Variants in TGM2 observed in about 807,000 individuals in gnomAD.
The protein encoded by TGM2 is transglutaminase 2, also known as protein-glutamine gamma-glutamyltransferase 2.
In TGM2, 53 loss-of-function variants were observed where a neutral mutation model predicts 75.6. The ratio of observed to expected loss-of-function variants is 0.70; its 90% confidence interval spans 0.56 to 0.88. The LOEUF (loss-of-function observed/expected upper bound fraction) is 0.88, where lower values mean the gene tolerates loss of function less well. Ranked by LOEUF, TGM2 falls within the 40% of genes least tolerant of loss-of-function variation. The pLI is 0.00. For missense variants in TGM2, 842 were observed against 928.5 expected (o/e 0.91, Z 1.21); for synonymous variants, 374 against 381.1 (o/e 0.98, Z 0.22).
chr20:38,138,503 C>T (rs957234628), intron 9 of TGM2, 118 bp from the exon 10 acceptor site: 18 of 1,572,718 alleles, frequency 1.1e-5, no homozygotes, highest in Non-Finnish European at 1.4e-5. Context: ...ATGAAGGAGC[C>T]CCTTCTCTAC....
intron 4 of TGM2, among the ~76,000 whole-genome samples, chr20:38,149,700 A>AAAAAAAAAAAAAAAAAAG: frequency 6.6e-6 from 1 of 150,770 alleles, no homozygotes; most frequent in African/African-American, 2.4e-5. Context: ...AAAAAAAAAA[A>AAAAAAAAAAAAAAAAAAG]ACAGGACCCT....
chr20:38,146,553 G>T, intron 6 of TGM2, 164 bp downstream of exon 6: 1 of 806,982 alleles, frequency 1.2e-6, no homozygotes, highest in Non-Finnish European at 2.1e-6. Flanking sequence ...GATGGCTATT[G>T]GATAAAGGAC....
At chr20:38,151,663 G>A (rs2075116676) in intron 3 of TGM2, among the ~76,000 whole-genome samples, 1 of 152,226 alleles carries the variant, frequency 6.6e-6, no homozygotes, top group African/African-American at 2.4e-5. Flanking sequence ...AAGGGTTCCT[G>A]CAGCTCAGGA....
At chr20:38,153,524 C>CAAAAAAAAAAAAAAAAAA (rs1231793414) in intron 3 of TGM2, among the ~76,000 whole-genome samples, 1 of 63,850 alleles carries the variant, frequency 1.6e-5, no homozygotes, top group Non-Finnish European at 2.5e-5. Flanking sequence ...GCCTTGGTCT[C>CAAAAAAAAAAAAAAAAAA]AAAAAAAAGA....
intron 2 of TGM2, among the ~76,000 whole-genome samples, chr20:38,159,867 ATGT>A (rs1167715066): frequency 1.3e-5 from 2 of 152,228 alleles, no homozygotes; most frequent in African/African-American, 4.8e-5. Flanking sequence ...TGCCCCACAG[ATGT>A]TGTGATTTTC....
At chr20:38,151,278 C>T (rs2075113314) in intron 3 of TGM2, among the ~76,000 whole-genome samples, 1 of 152,226 alleles carries the variant, frequency 6.6e-6, no homozygotes, top group Non-Finnish European at 1.5e-5. Context: ...TCAACACTCA[C>T]TGTGTGCCAG....
At chr20:38,155,148 G>A (rs910059772) in intron 3 of TGM2, among the ~76,000 whole-genome samples, 40 of 151,774 alleles carry the variant, frequency 2.6e-4, no homozygotes, top group African/African-American at 9.4e-4. Context: ...CAAAAAACAG[G>A]GCCCCATGAA....
upstream of TGM2, among the ~76,000 whole-genome samples, chr20:38,168,384 T>A (rs2075325893): frequency 1.3e-5 from 2 of 152,222 alleles, no homozygotes; most frequent in Admixed American, 6.5e-5. Flanking sequence ...TCACCGGGGC[T>A]GTAAAGGTTT....
chr20:38,166,507 G>C (rs1396605951), upstream of TGM2: 2 of 152,270 alleles, frequency 1.3e-5, no homozygotes, highest in African/African-American at 4.8e-5. Context: ...CGGATCCACT[G>C]TGAGCCCTGA....
At chr20:38,144,559 G>A (rs564040509) in intron 6 of TGM2, among the ~76,000 whole-genome samples, 2 of 152,178 alleles carry the variant, frequency 1.3e-5, no homozygotes, top group Non-Finnish European at 2.9e-5. Context: ...AAGCCTAACC[G>A]GAGCCAGAGA....
rs757518989 is a variant in TGM2, at chr20:38,141,304, T to C, written c.1077A>G (p.Pro359=). Residue 359 remains proline (P), a synonymous_variant, in exon 8 of 13, where the codon CCA becomes CCG. Coordinates refer to ENST00000361475, the MANE Select transcript of TGM2 (RefSeq NM_004613.4). ...CACCTTCGCTCTTCTCCTGGGGCGT[T>C]GGGTCCAGGGCCTGCCAGCCCTCGT... ...PGYEGWQALD[P]TPQEKSEGTY... 1.6e-5 allele frequency: 25 copies of C among 1,583,372 alleles called. No individual in the cohort carries two copies. The highest frequency in any genetic ancestry group is 3.6e-5 in the Admixed American group (2 of 55,326).
At chr20:38,148,890 G>T (rs184280255) in intron 4 of TGM2, among the ~76,000 whole-genome samples, 11 of 152,250 alleles carry the variant, frequency 7.2e-5, no homozygotes, top group Non-Finnish European at 1.2e-4. Flanking sequence ...ACCTCCAGGG[G>T]CCCTTCTGTC....
At chr20:38,145,156 G>C (rs2075029590) in intron 6 of TGM2, among the ~76,000 whole-genome samples, 2 of 152,174 alleles carry the variant, frequency 1.3e-5, no homozygotes, top group Non-Finnish European at 2.9e-5. Context: ...GGAGTCAGAA[G>C]GCAAGGACAG....
intron 5 of TGM2, among the ~76,000 whole-genome samples, chr20:38,147,136 C>T (rs779858379): frequency 3.3e-5 from 5 of 151,954 alleles, no homozygotes; most frequent in African/African-American, 1.2e-4. Context: ...GACTTGAACG[C>T]GATACTGGGG....
intron 10 of TGM2, among the ~76,000 whole-genome samples, chr20:38,137,764 T>C (rs1275678385): frequency 1.3e-5 from 2 of 151,908 alleles, no homozygotes; most frequent in African/African-American, 4.8e-5. Flanking sequence ...CAGCAGAGGG[T>C]CTGTGAAAGC....
rs751889764 is a variant in TGM2 at position 38,148,041 on chromosome 20, G to T, written c.601C>A (p.Pro201Thr). ...DICLILLDVN[P>T]KFLKNAGRDC... is the part of the protein sequence containing the mutation. ...CGGCCGGCGTTCTTCAGGAACTTGGGGTTGACATCTAGAAGGATCAGGCAG... is the reference window on the plus strand; with the variant it reads ...CGGCCGGCGTTCTTCAGGAACTTGGTGTTGACATCTAGAAGGATCAGGCAG... Residue 201 changes from proline (P) to threonine (T), a missense_variant, in exon 5 of 13, where the codon CCC becomes ACC. Physicochemically the swap from Pro to Thr is conservative, Grantham distance 38 (BLOSUM62 -1). Transcript: ENST00000361475. 3.1e-6 allele frequency: 5 copies of T among 1,614,052 alleles called. No individual in the cohort carries two copies. Among genetic ancestry groups the T allele is most frequent in the Non-Finnish European group, 4.2e-6 (5 of 1,180,058 alleles).
At chr20:38,139,992 T>C (rs1172751354) in intron 8 of TGM2, among the ~76,000 whole-genome samples, 1 of 152,232 alleles carries the variant, frequency 6.6e-6, no homozygotes, top group Non-Finnish European at 1.5e-5. Flanking sequence ...TAGCCTATAC[T>C]AAATGCTATG....
intron 3 of TGM2, among the ~76,000 whole-genome samples, chr20:38,154,619 TCA>T (rs1260026794): frequency 4.6e-5 from 7 of 152,210 alleles, no homozygotes; most frequent in African/African-American, 1.7e-4. Context: ...ACTCTGAGCC[TCA>T]GTTTCCTGTG....
chr20:38,127,517 G>A lies in TGM2; in HGVS notation c.*2702C>T, dbSNP rs1232062204. 4.1e-5 allele frequency: 10 copies of A among 246,270 alleles called. No individual in the cohort carries two copies. Among genetic ancestry groups the A allele is most frequent in the Non-Finnish European group, 6.5e-5 (10 of 154,170 alleles). 15.3% of individuals were successfully genotyped at this position (246,270 alleles called of 1,614,324 possible). ...TACTCATGAGTGCTTCGATGGTGGG[G>A]AATGAGATGAATGACCAAGTCTGCA... On this transcript the variant is annotated 3_prime_UTR_variant, in exon 13 of 13. Transcript: ENST00000361475.
Sources: allele counts gnomAD v4.1 joint callset (sites outside exome capture counted in the v4.1 genomes callset), GRCh38; gene constraint gnomAD v4.1.1; transcripts MANE v1.5; gene names NCBI Gene and HGNC (gene_info 2026-07-23, HGNC 2026-07-21).